The following SRFBP1 variants were observed in gnomAD, a reference collection of about 807,000 sequenced individuals.
SRFBP1 encodes serum response factor binding protein 1, also known as serum response factor-binding protein 1.
A neutral mutation model predicts 45.5 loss-of-function variants in SRFBP1; 47 were observed. The observed-to-expected ratio is 1.03, with a 90% confidence interval of 0.82 to 1.32. The LOEUF is 1.32. SRFBP1 is among the 40% of genes most tolerant of loss of function. SRFBP1 has a pLI of 0.00. For missense variants in SRFBP1, 621 were observed against 484.6 expected, an observed-to-expected ratio of 1.28 and a Z score of -2.64; for synonymous variants, 203 against 166.3, an observed-to-expected ratio of 1.22 and a Z score of -1.70.
chr5:122,013,717 A>T (rs1383145150), intron 4 of SRFBP1, among the ~76,000 whole-genome samples: 1 of 152,178 alleles, frequency 6.6e-6, no homozygotes, highest in Non-Finnish European at 1.5e-5. Flanking sequence ...TTAGTTCAGG[A>T]TTACAAAGAA....
At chr5:121,979,422 T>C (rs1376552735) in intron 3 of SRFBP1, among the ~76,000 whole-genome samples, 16 of 152,220 alleles carry the variant, frequency 1.1e-4, no homozygotes, top group Non-Finnish European at 4.4e-5. Flanking sequence ...AGTTTCTCCG[T>C]AGGGTAAAAG....
intron 1 of SRFBP1, among the ~76,000 whole-genome samples, chr5:121,973,159 A>G (rs1185988312): frequency 2.6e-5 from 4 of 151,562 alleles, no homozygotes; most frequent in Non-Finnish European, 2.9e-5. Flanking sequence ...CTATATAAAT[A>G]TTACAAGACT....
At chr5:122,042,322 T>G (rs1477432255) in intron 2 of SRFBP1, among the ~76,000 whole-genome samples, 1 of 152,174 alleles carries the variant, frequency 6.6e-6, no homozygotes, top group East Asian at 1.9e-4. Context: ...AGGTGAGTGC[T>G]ATAACACGAT....
At chr5:122,077,890 C>CG, downstream of SRFBP1, 1 of 1,533,280 alleles carries the variant, frequency 6.5e-7, no homozygotes, top group East Asian at 2.5e-5. This position sits in a 1 kb window ranked among gnomAD's most constrained non-coding sequence, Gnocchi z 4.9. Flanking sequence ...GCGGCTCGCG[C>CG]GGGGGCTGCT....
chr5:122,077,323 C>A (rs372184900), downstream of SRFBP1: 4 of 1,612,874 alleles, frequency 2.5e-6, no homozygotes, highest in Non-Finnish European at 3.4e-6. This position sits in a 1 kb window ranked among gnomAD's most constrained non-coding sequence, Gnocchi z 4.9. Flanking sequence ...ACCAGGTGCA[C>A]GGGTGCTTCC....
intron 2 of SRFBP1, among the ~76,000 whole-genome samples, chr5:122,043,031 C>G (rs1383075807): frequency 1.3e-5 from 2 of 151,982 alleles, no homozygotes; most frequent in African/African-American, 2.4e-5. Context: ...TTACCAGTTT[C>G]TGTGTTCATC....
At chr5:121,973,620 G>T (rs1270603223) in intron 1 of SRFBP1, among the ~76,000 whole-genome samples, 1 of 147,220 alleles carries the variant, frequency 6.8e-6, no homozygotes, top group Non-Finnish European at 1.5e-5. Context: ...GTGTGTGGGG[G>T]GGGGGCATGT....
intron 1 of SRFBP1, among the ~76,000 whole-genome samples, chr5:121,971,721 T>C (rs1224649370): frequency 6.6e-6 from 1 of 151,944 alleles, no homozygotes; most frequent in Non-Finnish European, 1.5e-5. Flanking sequence ...ACTCTTAACA[T>C]TTTATGACTG....
intron 2 of SRFBP1, among the ~76,000 whole-genome samples, chr5:122,053,033 G>A (rs1203598850): frequency 6.6e-6 from 1 of 151,938 alleles, no homozygotes; most frequent in Non-Finnish European, 1.5e-5. Context: ...TCCAATTGCT[G>A]TCTCCATGCC....
Position 122,027,774 on chromosome 5 carries a change from T to C in SRFBP1, c.*648T>C, listed in dbSNP as rs1425424163. The stretch of plus-strand genomic sequence containing the variant: ...ATTTTATTATAGTTTTAAGTACTTG[T>C]GATCATGTACTTTTTGATTCTAAAA... On this transcript the variant is annotated 3_prime_UTR_variant, in exon 8 of 8. Transcript: ENST00000339397. The C allele has an allele frequency of 6.6e-6, 1 of 152,200 alleles. No individual in the cohort carries two copies. The highest frequency in any genetic ancestry group is 2.4e-5 in the African/African-American group (1 of 41,472). The allele number at this position is 152,200 out of a possible 1,614,324, so 9.4% of individuals were successfully genotyped here.
At chr5:121,966,783 T>G (rs962825335) in intron 1 of SRFBP1, among the ~76,000 whole-genome samples, 1 of 151,468 alleles carries the variant, frequency 6.6e-6, no homozygotes, top group African/African-American at 2.4e-5. Flanking sequence ...TTTTTTATTT[T>G]TTATTTTTTT....
chr5:122,049,086 T>C (rs910482651), intron 2 of SRFBP1, among the ~76,000 whole-genome samples: 3 of 152,162 alleles, frequency 2.0e-5, no homozygotes, highest in Non-Finnish European at 2.9e-5. Flanking sequence ...TGTCTTCTGC[T>C]AGCTTTTGAA....
intron 7 of SRFBP1, among the ~76,000 whole-genome samples, chr5:122,025,799 T>A (rs1753468026): frequency 6.6e-6 from 1 of 152,122 alleles, no homozygotes; most frequent in Admixed American, 6.6e-5. Context: ...CTTAAAGAGG[T>A]CTTTAAAAGG....
chr5:122,077,095 T>G, downstream of SRFBP1: 1 of 1,531,180 alleles, frequency 6.5e-7, no homozygotes. This position sits in a 1 kb window ranked among gnomAD's most constrained non-coding sequence, Gnocchi z 4.9. Context: ...TCCTCACCCT[T>G]CGCCCACCGG....
intron 3 of SRFBP1, among the ~76,000 whole-genome samples, chr5:121,990,939 C>T (rs762177844): frequency 6.6e-6 from 1 of 152,236 alleles, no homozygotes; most frequent in Non-Finnish European, 1.5e-5. Context: ...AGTGCCCAAG[C>T]CTCTGCATAC....
intron 2 of SRFBP1, among the ~76,000 whole-genome samples, chr5:122,034,443 C>T (rs988502183): frequency 2.0e-5 from 3 of 151,140 alleles, no homozygotes; most frequent in Admixed American, 6.6e-5. Context: ...ATGCCCTTAG[C>T]GCCCCCCCCA....
rs531117166 is a variant in SRFBP1, at chr5:121,971,501, G to A, written c.37-2695G>A. The stretch of plus-strand genomic sequence containing the variant: ...AGGTGAAGAACATGAATTTAGGTGT[G>A]AATTTGAGGTGATTTTGAGCGCACT... On this transcript the variant is annotated intron_variant, in intron 1 of 7. Coordinates refer to ENST00000339397, the MANE Select transcript of SRFBP1 (RefSeq NM_152546.3). Among the ~76,000 whole-genome samples, 28 of 152,062 alleles carry A rather than the reference G, an allele frequency of 1.8e-4. No individual in the cohort carries two copies. The South Asian group carries it at 5.8e-3, about 32-fold the overall frequency.
intron 3 of SRFBP1, among the ~76,000 whole-genome samples, chr5:121,993,015 T>A (rs1027928124): frequency 6.6e-6 from 1 of 152,158 alleles, no homozygotes; most frequent in East Asian, 1.9e-4. Flanking sequence ...TTTGGCTAAC[T>A]TGTTAGCTTG....
intron 2 of SRFBP1, among the ~76,000 whole-genome samples, chr5:122,047,510 G>A (rs541239152): frequency 1.3e-5 from 2 of 152,302 alleles, no homozygotes; most frequent in East Asian, 1.9e-4. Flanking sequence ...TTTTGGCTTA[G>A]GATTGTCTTG....
Sources: gnomAD v4.1 joint callset for allele counts (sites outside exome capture counted in the v4.1 genomes callset) on GRCh38, gnomAD v4.1.1 for gene constraint, Gnocchi (gnomAD v3.1) non-coding constraint, MANE v1.5 for transcripts, NCBI Gene and HGNC (gene_info 2026-07-23, HGNC 2026-07-21) for gene names.